The following WWOX variants were observed in gnomAD, a reference collection of about 807,000 sequenced individuals.
WWOX encodes the protein WW domain containing oxidoreductase.
In WWOX, 69 loss-of-function variants were observed where a neutral mutation model predicts 46.2. The ratio of observed to expected loss-of-function variants is 1.49; its 90% confidence interval spans 1.23 to 1.82. WWOX has a LOEUF of 1.82. Ranked by LOEUF, WWOX falls within the 40% of genes most tolerant of loss-of-function variation. The probability of loss-of-function intolerance (pLI) is 0.00; values close to 1 mark genes in which losing one functional copy is unlikely to be tolerated. For missense variants in WWOX, 919 were observed against 542.6 expected (o/e 1.69, Z -6.89); for synonymous variants, 359 against 202.6 (o/e 1.77, Z -6.56).
intron 8 of WWOX, among the ~76,000 whole-genome samples, chr16:79,208,106 G>C (rs908832427): frequency 6.6e-6 from 1 of 152,178 alleles, no homozygotes; most frequent in African/African-American, 2.4e-5. Context: ...TTATTACCAA[G>C]ATACTCTTAA....
chr16:79,118,816 T>G (rs1236229275), intron 8 of WWOX, among the ~76,000 whole-genome samples: 1 of 152,230 alleles, frequency 6.6e-6, no homozygotes, highest in Non-Finnish European at 1.5e-5. Flanking sequence ...TTTCCCTGTC[T>G]TTATACATTT....
chr16:79,134,830 C>G (rs1453898240), intron 8 of WWOX, among the ~76,000 whole-genome samples: 2 of 152,158 alleles, frequency 1.3e-5, no homozygotes, highest in Admixed American at 6.6e-5. Context: ...ACGGGATGGC[C>G]TAATGGGTCC....
At chr16:78,605,984 A>C (rs958323077) in intron 8 of WWOX, among the ~76,000 whole-genome samples, 4 of 152,204 alleles carry the variant, frequency 2.6e-5, no homozygotes, top group Admixed American at 2.6e-4. Context: ...CTTTGGCTGG[A>C]GTAGTACTGC....
intron 8 of WWOX, among the ~76,000 whole-genome samples, chr16:79,050,883 C>G (rs983884413): frequency 6.6e-6 from 1 of 152,154 alleles, no homozygotes; most frequent in South Asian, 2.1e-4. Flanking sequence ...GACAGTTATC[C>G]TCTGCATTCA....
chr16:78,443,305 A>C (rs1189875504), intron 8 of WWOX, among the ~76,000 whole-genome samples: 2 of 151,914 alleles, frequency 1.3e-5, no homozygotes, highest in African/African-American at 4.8e-5. Flanking sequence ...ACTGAAAAAC[A>C]AAAAAACAAA....
At chr16:78,523,841 G>T (rs1050679971) in intron 8 of WWOX, among the ~76,000 whole-genome samples, 2 of 152,206 alleles carry the variant, frequency 1.3e-5, no homozygotes, top group South Asian at 2.1e-4. Flanking sequence ...GCTCTCAGGG[G>T]AGGCCCATAG....
At chr16:78,555,292 T>G (rs902869599) in intron 8 of WWOX, among the ~76,000 whole-genome samples, 3 of 151,944 alleles carry the variant, frequency 2.0e-5, no homozygotes, top group Non-Finnish European at 2.9e-5. Context: ...TCAACCAAAC[T>G]GAAAGGGAAA....
intron 8 of WWOX, among the ~76,000 whole-genome samples, chr16:78,562,253 C>T (rs1311980045): frequency 1.3e-5 from 2 of 152,198 alleles, no homozygotes; most frequent in Non-Finnish European, 2.9e-5. Context: ...GGAATGCTGC[C>T]TCTAGCTCTC....
chr16:79,116,308 G>A (rs998553381), intron 8 of WWOX, among the ~76,000 whole-genome samples: 1 of 152,122 alleles, frequency 6.6e-6, no homozygotes, highest in Non-Finnish European at 1.5e-5. Flanking sequence ...ATTCTCTGTA[G>A]CATGCACTGC....
intron 5 of WWOX, among the ~76,000 whole-genome samples, chr16:78,251,230 T>C (rs1461649541): frequency 6.6e-6 from 1 of 152,186 alleles, no homozygotes; most frequent in Admixed American, 6.5e-5. Context: ...TTTTGTTTTT[T>C]ACCCAGTTTC....
intron 6 of WWOX, among the ~76,000 whole-genome samples, chr16:78,390,664 C>G (rs968559347): frequency 7.2e-5 from 11 of 152,172 alleles, no homozygotes; most frequent in African/African-American, 2.4e-4. Flanking sequence ...TTAGTACTTG[C>G]AGGTCTTTCG....
intron 8 of WWOX, among the ~76,000 whole-genome samples, chr16:78,507,530 C>A (rs945842514): frequency 6.6e-6 from 1 of 152,230 alleles, no homozygotes; most frequent in Non-Finnish European, 1.5e-5. Flanking sequence ...TGAAAATACA[C>A]GCAGAGAGAC....
rs186200670 is a variant in WWOX at position 78,583,680 on chromosome 16, G to C, written c.1056+150928G>C. 4.3e-3 allele frequency among the ~76,000 whole-genome samples: 662 copies of C among 152,286 alleles called. 2 individuals carry two copies. Among genetic ancestry groups the C allele is most frequent in the Non-Finnish European group, 6.6e-3 (446 of 68,014 alleles). On this transcript the variant is annotated intron_variant, in intron 8 of 8. Coordinates refer to ENST00000566780, the MANE Select transcript of WWOX (RefSeq NM_016373.4). ...TGTCAAGCCATCAGGCAGCGGGTTG[G>C]GGGGGTTGCTTGGCCCAGGAACCCG...
intron 8 of WWOX, among the ~76,000 whole-genome samples, chr16:78,972,512 G>C (rs1343115010): frequency 1.3e-5 from 2 of 151,926 alleles, no homozygotes; most frequent in Non-Finnish European, 2.9e-5. Flanking sequence ...GCCAAGAGAG[G>C]CTCACTGACC....
intron 8 of WWOX, among the ~76,000 whole-genome samples, chr16:78,814,855 G>A (rs1318339345): frequency 6.6e-6 from 1 of 152,184 alleles, no homozygotes; most frequent in Non-Finnish European, 1.5e-5. Flanking sequence ...CCACCCTTGG[G>A]CTCTCTCGCG....
At chr16:79,069,986 A>T (rs982225018) in intron 8 of WWOX, among the ~76,000 whole-genome samples, 1 of 152,240 alleles carries the variant, frequency 6.6e-6, no homozygotes, top group African/African-American at 2.4e-5. Context: ...GTATTCAAGC[A>T]TTTAGAATTA....
intron 7 of WWOX, among the ~76,000 whole-genome samples, chr16:78,430,888 C>T (rs2083201660): frequency 6.6e-6 from 1 of 152,148 alleles, no homozygotes; most frequent in African/African-American, 2.4e-5. Context: ...TTGGTCTTAG[C>T]CCAACCTGAG....
At chr16:78,604,949 TTC>T (rs1567430494) in intron 8 of WWOX, among the ~76,000 whole-genome samples, 4 of 1,088 alleles carry the variant, frequency 3.7e-3, no homozygotes, top group Non-Finnish European at 6.5e-3. Context: ...CCTCCCTTCT[TTC>T]CTTCCTTTCT....
intron 8 of WWOX, among the ~76,000 whole-genome samples, chr16:79,039,070 C>A (rs1325735290): frequency 6.6e-6 from 1 of 151,900 alleles, no homozygotes; most frequent in Non-Finnish European, 1.5e-5. Context: ...TTAAATTTAA[C>A]ATGGATAAAC....
Sources: allele counts gnomAD v4.1 joint callset (sites outside exome capture counted in the v4.1 genomes callset), GRCh38; gene constraint gnomAD v4.1.1; transcripts MANE v1.5; gene names NCBI Gene and HGNC (gene_info 2026-07-23, HGNC 2026-07-21).